Variants in NAP1L4 observed in about 807,000 individuals in gnomAD.
NAP1L4 encodes nucleosome assembly protein 1 like 4, also known as nucleosome assembly protein 1-like 4.
A neutral mutation model predicts 58.2 loss-of-function variants in NAP1L4; 15 were observed. The ratio of observed to expected loss-of-function variants is 0.26; its 90% CI spans 0.17 to 0.40. The LOEUF (loss-of-function observed/expected upper bound fraction) is 0.40. NAP1L4 is among the 10% of genes least tolerant of loss of function. The pLI is 1.00. For synonymous variants in NAP1L4, 171 were observed against 155.6 expected (o/e 1.10, Z -0.74); for missense variants, 384 against 451.1 (o/e 0.85, Z 1.35).
Position 2,946,374 on chromosome 11 carries a change from G to A in NAP1L4, c.*33-728C>T, listed in dbSNP as rs1370777344. ...ATTAACTCCAATATTATCTAACACA[G>A]AGATCTTGTACCCTTTAAACCACAT... is the stretch of plus-strand genomic sequence containing the variant. On this transcript the variant is annotated intron_variant, in intron 15 of 15. Transcript: ENST00000380542. This position sits in a 1 kb window ranked among gnomAD's most constrained non-coding sequence, Gnocchi z 4.8. 6.6e-6 allele frequency among the ~76,000 whole-genome samples: 1 copy of A among 152,178 alleles called. No individual in the cohort carries two copies.
chr11:2,981,445 A>AAAAAAAAC (rs1848305004), intron 1 of NAP1L4, among the ~76,000 whole-genome samples: 1 of 142,282 alleles, frequency 7.0e-6, no homozygotes, highest in Non-Finnish European at 1.5e-5. Context: ...AAAAAAAAAA[A>AAAAAAAAC]GGCAATAAAC....
In NAP1L4 at chr11:2,954,837, T is replaced by A. The variant is rs1846439233; in HGVS notation, c.916-191A>T. ...ACAACTTTAAGTAGCTTTAAAGAGC[T>A]ACTGAAGCAAAATGGCAGAGAAAGT... is the stretch of plus-strand genomic sequence containing the variant. On this transcript the variant is annotated intron_variant, in intron 11 of 15. Transcript: ENST00000380542. This position sits in a 1 kb window ranked among gnomAD's most constrained non-coding sequence, Gnocchi z 4.8. The A allele has an allele frequency of 1.5e-6, 1 of 670,364 alleles. No individual in the cohort carries two copies. The highest frequency in any genetic ancestry group is 2.5e-6 in the Non-Finnish European group (1 of 397,156). The allele number at this position is 670,364 out of a possible 1,614,324, so 41.5% of individuals were successfully genotyped here. A position where few individuals can be genotyped will look rare whatever the true frequency, so the allele number is the denominator to read the frequency against.
Position 2,972,086 on chromosome 11 carries a change from T to G in NAP1L4, c.315+16A>C. ...GCTGAAAACTATCTGTATATTAAAT[T>G]AACAGAGCTCCCTACCTTGTCAAAG... On this transcript the variant is annotated intron_variant, in intron 5 of 15. Transcript: ENST00000380542. 4 of 1,528,460 alleles carry G rather than the reference T, an allele frequency of 2.6e-6. No homozygotes were observed. The highest frequency in any genetic ancestry group is 3.5e-6 in the Non-Finnish European group (4 of 1,145,338). The allele number at this position is 1,528,460 out of a possible 1,614,324, so 94.7% of individuals were successfully genotyped here.
chr11:2,980,878 TTGTC>T (rs1848260864), intron 1 of NAP1L4, among the ~76,000 whole-genome samples: 1 of 152,100 alleles, frequency 6.6e-6, no homozygotes, highest in South Asian at 2.1e-4. Context: ...ATATTACACA[TTGTC>T]TTTTTCAAAA....
rs1309555148 is a variant in NAP1L4, at chr11:2,951,761, G to A, written c.1065+19C>T. ...CAACTTCAGGGAGGTAAGTGGCACTGCATAAACCTGTCTCTTACCTCCTCT... is the reference window on the plus strand; with the variant it reads ...CAACTTCAGGGAGGTAAGTGGCACTACATAAACCTGTCTCTTACCTCCTCT... On this transcript the variant is annotated intron_variant, in intron 13 of 15. Coordinates refer to ENST00000380542, the MANE Select transcript of NAP1L4 (RefSeq NM_005969.4). This position sits in a 1 kb window ranked among gnomAD's most constrained non-coding sequence, Gnocchi z 4.0. The A allele has an allele frequency of 6.2e-7, 1 of 1,612,816 alleles. No individual in the cohort carries two copies. Among genetic ancestry groups the A allele is most frequent in the South Asian group, 1.1e-5 (1 of 91,014 alleles).
At chr11:2,956,408 C>T (rs1167603963) in intron 10 of NAP1L4, among the ~76,000 whole-genome samples, 1 of 152,114 alleles carries the variant, frequency 6.6e-6, no homozygotes, top group Non-Finnish European at 1.5e-5. Context: ...GATCCAACCC[C>T]CTGATTTTAG....
chr11:2,990,212 G>A (rs1377053700), intron 1 of NAP1L4: 1 of 152,084 alleles, frequency 6.6e-6, no homozygotes, highest in African/African-American at 2.4e-5. Flanking sequence ...AAAAAAGACT[G>A]CAATTGGATA....
chr11:2,985,914 CT>C (rs59598415), intron 1 of NAP1L4, among the ~76,000 whole-genome samples: 2,354 of 152,208 alleles, frequency 0.015, 53 homozygotes, highest in African/African-American at 0.053. Context: ...CACAAATGTT[CT>C]TTTATTTATA....
Position 2,955,619 on chromosome 11 carries a change from T to C in NAP1L4, c.915+125A>G. The C allele has an allele frequency of 1.1e-6, 1 of 925,700 alleles. No homozygotes were observed. The highest frequency in any genetic ancestry group is 1.7e-6 in the Non-Finnish European group (1 of 598,786). The allele number at this position is 925,700 out of a possible 1,614,324, so 57.3% of individuals were successfully genotyped here. A position where few individuals can be genotyped will look rare whatever the true frequency, so the allele number is the denominator to read the frequency against. ...CTCCCACCTCAGCCTCCCAAAGCAT[T>C]AAGATCACTGGCATACCCAGTCCAC... On this transcript the variant is annotated intron_variant, in intron 11 of 15. Coordinates refer to ENST00000380542, the MANE Select transcript of NAP1L4 (RefSeq NM_005969.4). The surrounding 1 kb of genome is among the most constrained non-coding windows in gnomAD (Gnocchi z 4.2).
intron 7 of NAP1L4, among the ~76,000 whole-genome samples, chr11:2,968,989 T>C (rs1847459705): frequency 6.6e-5 from 1 of 15,136 alleles, no homozygotes; most frequent in Non-Finnish European, 1.1e-4. Context: ...TGTTGTGTTG[T>C]TTTTTTTTTT....
chr11:2,980,123 A>C (rs1392243356), intron 1 of NAP1L4, among the ~76,000 whole-genome samples: 1 of 152,220 alleles, frequency 6.6e-6, no homozygotes, highest in Non-Finnish European at 1.5e-5. Flanking sequence ...ATTGTAACTG[A>C]ATATTAAGGG....
intron 8 of NAP1L4, chr11:2,960,268 T>C: frequency 4.2e-6 from 1 of 239,092 alleles, no homozygotes; most frequent in South Asian, 6.1e-5. Flanking sequence ...CAGCAGTCCA[T>C]CCTCCTCCTG....
chr11:2,970,509 T>C (rs1847576241), intron 6 of NAP1L4, among the ~76,000 whole-genome samples: 1 of 151,750 alleles, frequency 6.6e-6, no homozygotes, highest in African/African-American at 2.4e-5. Context: ...TGGCTATAAA[T>C]GCCAGCTCAG....
chr11:2,945,379 A>G lies in NAP1L4; in HGVS notation c.*300T>C. 1.9e-6 allele frequency: 1 copy of G among 523,600 alleles called. No individual in the cohort carries two copies. Among genetic ancestry groups the G allele is most frequent in the Admixed American group, 3.5e-5 (1 of 28,878 alleles). The allele number at this position is 523,600 out of a possible 1,614,324, so 32.4% of individuals were successfully genotyped here. A position where few individuals can be genotyped will look rare whatever the true frequency, so the allele number is the denominator to read the frequency against. Reference sequence around the variant, plus strand: ...CCAGAGCTACAGGCACCAAGGCTGCAGAGGGTGCTGGACGAAACCTCCTAT... The same window carrying G: ...CCAGAGCTACAGGCACCAAGGCTGCGGAGGGTGCTGGACGAAACCTCCTAT... On this transcript the variant is annotated 3_prime_UTR_variant, in exon 16 of 16. Transcript: ENST00000380542.
chr11:2,975,042 G>GT (rs1564986373), intron 4 of NAP1L4, among the ~76,000 whole-genome samples: 1 of 151,656 alleles, frequency 6.6e-6, no homozygotes, highest in African/African-American at 2.4e-5. Context: ...CCTTCTTGTC[G>GT]TAATAGCCCT....
Position 2,951,950 on chromosome 11 carries a change from G to A in NAP1L4, c.1036-141C>T, listed in dbSNP as rs1294107831. ...CCACGCTGCCTGCTGGGCCTCGCTT[G>A]CCTGAGGAGCCATTTGCTTGTGTGC... On this transcript the variant is annotated intron_variant, in intron 12 of 15. Transcript: ENST00000380542. The surrounding 1 kb of genome is among the most constrained non-coding windows in gnomAD (Gnocchi z 4.0). The A allele has an allele frequency of 2.6e-6, 2 of 756,094 alleles. No homozygotes were observed. Among genetic ancestry groups the A allele is most frequent in the African/African-American group, 1.7e-5 (1 of 57,674 alleles). 46.8% of individuals were successfully genotyped at this position (756,094 alleles called of 1,614,324 possible).
rs1308902946 is a variant in NAP1L4, at chr11:2,971,298, T to C, written c.402+150A>G. The C allele has an allele frequency of 4.7e-6, 3 of 634,548 alleles. No individual in the cohort carries two copies. The highest frequency in any genetic ancestry group is 2.0e-5 in the South Asian group (1 of 49,568). 39.3% of individuals were successfully genotyped at this position (634,548 alleles called of 1,614,324 possible). On this transcript the variant is annotated intron_variant, in intron 6 of 15. Transcript: ENST00000380542. The surrounding 1 kb of genome is among the most constrained non-coding windows in gnomAD (Gnocchi z 4.2). Reference sequence around the variant, plus strand: ...AGTACTGTGTCAGATGCTAGATCCATATCAGAAAGGAATCTAAACCCAACC... The same window carrying C: ...AGTACTGTGTCAGATGCTAGATCCACATCAGAAAGGAATCTAAACCCAACC...
intron 8 of NAP1L4, 48 bp downstream of exon 8, chr11:2,964,632 T>A: frequency 6.7e-7 from 1 of 1,493,922 alleles, no homozygotes; most frequent in Non-Finnish European, 9.2e-7. Flanking sequence ...TCCATCTTTG[T>A]GGACTGACCC....
intron 3 of NAP1L4, 119 bp from the exon 4 acceptor site, chr11:2,976,242 A>C (rs1847950918): frequency 1.2e-5 from 8 of 652,078 alleles, no homozygotes; most frequent in Middle Eastern, 2.5e-4. Context: ...CTAATTTCTA[A>C]ATACATACAC....
Sources: gnomAD v4.1 joint callset for allele counts (sites outside exome capture counted in the v4.1 genomes callset) on GRCh38, gnomAD v4.1.1 for gene constraint, Gnocchi (gnomAD v3.1) non-coding constraint, MANE v1.5 for transcripts, NCBI Gene and HGNC (gene_info 2026-07-23, HGNC 2026-07-21) for gene names.